The following KALRN variants were observed in gnomAD, a reference collection of about 807,000 sequenced individuals.
KALRN encodes kalirin.
KALRN carries 70 observed loss-of-function variants against 353.7 expected under a neutral mutation model. The ratio of observed to expected loss-of-function variants is 0.20; its 90% CI spans 0.16 to 0.24. KALRN has a LOEUF of 0.24. Among genes scored for constraint, KALRN ranks in the 10% least tolerant of loss-of-function variants. The pLI is 1.00. For synonymous variants in KALRN, 1,391 were observed against 1,434.8 expected (o/e 0.97, Z 0.69); for missense variants, 2,791 against 3,756.7 (o/e 0.74, Z 6.72).
At chr3:124,055,339 T>A (rs534346344) in intron 1 of KALRN, among the ~76,000 whole-genome samples, 2 of 152,320 alleles carry the variant, frequency 1.3e-5, no homozygotes, top group Admixed American at 1.3e-4. Context: ...TTAGAGAGAA[T>A]GTTTCCTCTT....
chr3:124,159,762 G>A (rs189994540), intron 1 of KALRN, among the ~76,000 whole-genome samples: 12 of 152,226 alleles, frequency 7.9e-5, no homozygotes, highest in African/African-American at 2.6e-4. Context: ...GGTAAATGGG[G>A]AGAGATGAAT....
chr3:124,056,971 A>G (rs755451458), intron 1 of KALRN, among the ~76,000 whole-genome samples: 1 of 152,232 alleles, frequency 6.6e-6, no homozygotes, highest in Non-Finnish European at 1.5e-5. Flanking sequence ...GTTTTGTTTG[A>G]ATTTTCTCAG....
At chr3:124,181,076 CAAAAA>C (rs60579271) in intron 1 of KALRN, among the ~76,000 whole-genome samples, 1 of 55,260 alleles carries the variant, frequency 1.8e-5, no homozygotes, top group Admixed American at 2.7e-4. Flanking sequence ...ACTAAAAATA[CAAAAA>C]AAAAAAAAAA....
intron 13 of KALRN, 131 bp from the exon 14 acceptor site, chr3:124,413,339 G>A: frequency 1.4e-6 from 1 of 727,442 alleles, no homozygotes; most frequent in Non-Finnish European, 2.3e-6. Context: ...TAGTCTAAGG[G>A]TTGAAGAATT....
chr3:124,100,078 C>T (rs552231326), intron 1 of KALRN, among the ~76,000 whole-genome samples: 35 of 152,156 alleles, frequency 2.3e-4, no homozygotes, highest in East Asian at 1.9e-3. Context: ...GCAGGAGAAT[C>T]GCTTGAACTA....
At chr3:124,623,427 C>CACACACACACACACAA (rs139583497) in intron 34 of KALRN, among the ~76,000 whole-genome samples, 3 of 147,016 alleles carry the variant, frequency 2.0e-5, no homozygotes, top group African/African-American at 7.5e-5. Flanking sequence ...CACACACACA[C>CACACACACACACACAA]AAAAGGGAGT....
rs1461787039 is a variant in KALRN, at chr3:124,724,048, G to A, written c.*4578G>A. The A allele has an allele frequency of 6.7e-6, 1 of 149,172 alleles. No homozygotes were observed. Among genetic ancestry groups the A allele is most frequent in the South Asian group, 2.1e-4 (1 of 4,690 alleles). 9.2% of individuals were successfully genotyped at this position (149,172 alleles called of 1,614,324 possible). On this transcript the variant is annotated 3_prime_UTR_variant, in exon 60 of 60. Transcript: ENST00000682506. ...CTTGAATCTTTTTTTTTTTTTTTAGGTGGTTAGGTCTTTTAGGAGTTGCAT... is the reference window on the plus strand; with the variant it reads ...CTTGAATCTTTTTTTTTTTTTTTAGATGGTTAGGTCTTTTAGGAGTTGCAT...
intron 14 of KALRN, among the ~76,000 whole-genome samples, chr3:124,421,550 T>A (rs747526738): frequency 2.0e-5 from 3 of 152,318 alleles, no homozygotes; most frequent in South Asian, 2.1e-4. Context: ...ATTTTACATA[T>A]GAGCAAAATG....
chr3:124,568,741 A>G (rs1411722591), intron 34 of KALRN, among the ~76,000 whole-genome samples: 2 of 152,254 alleles, frequency 1.3e-5, no homozygotes, highest in African/African-American at 4.8e-5. Context: ...AGCCAGACAC[A>G]AAAGGACAAA....
At chr3:124,457,921 C>G (rs1327607376) in intron 23 of KALRN, among the ~76,000 whole-genome samples, 1 of 152,154 alleles carries the variant, frequency 6.6e-6, no homozygotes, top group African/African-American at 2.4e-5. Context: ...AGATCACACC[C>G]TTCAGTCAGA....
Position 124,693,806 on chromosome 3 carries a change from C to A in KALRN, c.7380C>A (p.Ile2460=), listed in dbSNP as rs1371501859. 6.4e-7 allele frequency: 1 copy of A among 1,566,472 alleles called. No individual in the cohort carries two copies. The highest frequency in any genetic ancestry group is 2.3e-5 in the East Asian group (1 of 44,370). ...TTCTGTGTCTTTTTGTTTTTCAGAT[C>A]TTAAATCCAAATTTCATCCAAGAAG... is the stretch of plus-strand genomic sequence containing the variant. ...DDLDPNTSME[I]LNPNFIQEVA... Residue 2460 remains isoleucine, a splice_region_variant and synonymous_variant, in exon 52 of 60, where the codon ATC becomes ATA. Transcript: ENST00000682506.
rs1198669247 is a variant in KALRN, at chr3:124,395,355, C to A, written c.2171+12C>A. ...CCCAGCGAGGCCAGGTCAGCATGGG[C>A]AGAGCTTTCCAGTGGGAAATGCCTC... On this transcript the variant is annotated intron_variant, in intron 12 of 59. Transcript: ENST00000682506. 2 of 1,601,620 alleles carry A rather than the reference C, an allele frequency of 1.2e-6. No individual in the cohort carries two copies. The highest frequency in any genetic ancestry group is 1.7e-6 in the Non-Finnish European group (2 of 1,173,148).
intron 33 of KALRN, among the ~76,000 whole-genome samples, chr3:124,522,112 C>T (rs2067210956): frequency 6.6e-6 from 1 of 151,726 alleles, no homozygotes; most frequent in South Asian, 2.1e-4. Context: ...AAAAGACCTT[C>T]CTGAGAAAAT....
At chr3:124,314,109 A>G (rs1221929300) in intron 6 of KALRN, among the ~76,000 whole-genome samples, 1 of 152,152 alleles carries the variant, frequency 6.6e-6, no homozygotes, top group Non-Finnish European at 1.5e-5. Context: ...CCAAATGTCC[A>G]TCAATGATAG....
rs2060511824 is a variant in KALRN, at chr3:124,080,982, C to G, written c.73+47169C>G. The stretch of plus-strand genomic sequence containing the variant: ...AGAGACCTGCATTCCACCTAAAGCT[C>G]ACTGTATGCTCCTAACAAACACTTT... On this transcript the variant is annotated intron_variant, in intron 1 of 59. Coordinates refer to ENST00000682506, the MANE Select transcript of KALRN (RefSeq NM_001388419.1). 3.9e-5 allele frequency among the ~76,000 whole-genome samples: 6 copies of G among 152,330 alleles called. No homozygotes were observed. The South Asian group carries it at 1.2e-3, about 32-fold the overall frequency.
intron 1 of KALRN, among the ~76,000 whole-genome samples, chr3:124,112,656 A>G (rs1281334422): frequency 6.6e-6 from 1 of 152,008 alleles, no homozygotes; most frequent in Non-Finnish European, 1.5e-5. Flanking sequence ...TGTTTTCCAT[A>G]TCCTATATCT....
intron 23 of KALRN, among the ~76,000 whole-genome samples, chr3:124,457,188 G>C (rs1237689363): frequency 6.6e-6 from 1 of 152,028 alleles, no homozygotes; most frequent in Non-Finnish European, 1.5e-5. Flanking sequence ...TCCTGCCTCA[G>C]CCTCCCGAGT....
At chr3:124,073,544 C>G (rs1263062126) in intron 1 of KALRN, among the ~76,000 whole-genome samples, 1 of 152,024 alleles carries the variant, frequency 6.6e-6, no homozygotes, top group Non-Finnish European at 1.5e-5. Flanking sequence ...TTTTAAGTAG[C>G]CTTTTAAAAG....
At chr3:124,352,889 A>AG (rs2082987241) in intron 10 of KALRN, among the ~76,000 whole-genome samples, 2 of 152,224 alleles carry the variant, frequency 1.3e-5, no homozygotes, top group African/African-American at 2.4e-5. Context: ...AGGGAGGGAT[A>AG]GCATTAGGAG....
Sources: gnomAD v4.1 joint callset for allele counts (sites outside exome capture counted in the v4.1 genomes callset) on GRCh38, gnomAD v4.1.1 for gene constraint, MANE v1.5 for transcripts, NCBI Gene and HGNC (gene_info 2026-07-23, HGNC 2026-07-21) for gene names.